The following EFHB variants were observed in gnomAD, a reference collection of about 807,000 sequenced individuals.
The protein encoded by EFHB is EF-hand domain family member B.
In EFHB, 91 loss-of-function variants were observed where a neutral mutation model predicts 87.2. The ratio of observed to expected loss-of-function variants is 1.04; its 90% CI spans 0.88 to 1.24. The LOEUF (loss-of-function observed/expected upper bound fraction) is 1.24, where lower values mean the gene tolerates loss of function less well. Ranked by LOEUF, EFHB falls within the 50% of genes most tolerant of loss-of-function variation. The pLI, the probability that EFHB is intolerant of heterozygous loss-of-function variation, is 0.00. For missense variants in EFHB, 1,084 were observed against 998.8 expected, an observed-to-expected ratio of 1.09 and a Z score of -1.15; for synonymous variants, 325 against 333.6, an observed-to-expected ratio of 0.97 and a Z score of 0.28.
chr3:19,939,420 TCG>T (rs199744813), intron 1 of EFHB, among the ~76,000 whole-genome samples: 17,103 of 122,444 alleles, frequency 0.14, 1,798 homozygotes, highest in Non-Finnish European at 0.2. Flanking sequence ...TCTCACTCTG[TCG>T]CGCCCAGGCT....
upstream of EFHB, among the ~76,000 whole-genome samples, chr3:19,937,409 A>G (rs866741945): frequency 2.4e-4 from 36 of 152,290 alleles, no homozygotes; most frequent in Middle Eastern, 6.8e-3. Flanking sequence ...AAACTGCTAC[A>G]GACAGTCATA....
chr3:19,921,617 G>A (rs1695439942), intron 1 of EFHB, among the ~76,000 whole-genome samples: 1 of 152,034 alleles, frequency 6.6e-6, no homozygotes, highest in Non-Finnish European at 1.5e-5. Flanking sequence ...AAGACAGTAA[G>A]AAGCAGCCCA....
chr3:19,915,246 T>C (rs187603874), intron 5 of EFHB, 57 bp downstream of exon 5: 11 of 1,147,482 alleles, frequency 9.6e-6, no homozygotes, highest in Admixed American at 6.3e-5. Context: ...TTTATTCCTC[T>C]TCACAAATCC....
intron 9 of EFHB, among the ~76,000 whole-genome samples, chr3:19,892,349 T>C (rs886174103): frequency 3.3e-5 from 5 of 152,226 alleles, no homozygotes; most frequent in African/African-American, 1.2e-4. Context: ...GGTGCCCACA[T>C]CTTAGTAAAG....
intron 4 of EFHB, 136 bp downstream of exon 4, chr3:19,918,096 C>T: frequency 2.0e-6 from 2 of 1,018,352 alleles, no homozygotes; most frequent in Admixed American, 2.7e-5. Context: ...AACTTTCTTG[C>T]AACAATCCCA....
chr3:19,882,556 T>A lies in EFHB; in HGVS notation c.2322A>T (p.Lys774Asn). 1.9e-6 allele frequency: 3 copies of A among 1,598,704 alleles called. No homozygotes were observed. ...GTATGCTTATATGCTATACCTCTTC[T>A]TTTGATCTGGTCTTGAAGAAGTCTC... ...FERDFFKTRS[K>N]EEIAEILCNI... The change falls in exon 12 of 13, where the codon AAA becomes AAT. Residue 774 changes from lysine to asparagine, a missense_variant. By Grantham distance (94) the Lys-to-Asn change is moderately conservative (BLOSUM62 0). Transcript: ENST00000295824.
intron 1 of EFHB, among the ~76,000 whole-genome samples, chr3:19,927,646 G>A (rs137938972): frequency 6.6e-6 from 1 of 152,256 alleles, no homozygotes; most frequent in Non-Finnish European, 1.5e-5. Flanking sequence ...TTCCCTGAAT[G>A]CACCCTGATG....
At chr3:19,905,462 A>C (rs573725901) in intron 6 of EFHB, among the ~76,000 whole-genome samples, 158 bp downstream of exon 6, 3 of 152,194 alleles carry the variant, frequency 2.0e-5, no homozygotes, top group African/African-American at 7.2e-5. Context: ...GGGTGTCAGA[A>C]GTGAAATACA....
At chr3:19,945,495 G>C (rs1024982174) in intron 1 of EFHB, among the ~76,000 whole-genome samples, 3 of 152,194 alleles carry the variant, frequency 2.0e-5, no homozygotes, top group Admixed American at 2.0e-4. Context: ...GGTTTGTGAG[G>C]AGAAGAAAGA....
intron 1 of EFHB, among the ~76,000 whole-genome samples, chr3:19,939,421 CG>C (rs1696101720): frequency 1.1e-4 from 8 of 74,962 alleles, no homozygotes; most frequent in South Asian, 7.9e-4. Context: ...CTCACTCTGT[CG>C]CGCCCAGGCT....
chr3:19,897,402 C>T (rs577866753), intron 8 of EFHB, among the ~76,000 whole-genome samples: 1 of 152,296 alleles, frequency 6.6e-6, no homozygotes, highest in East Asian at 1.9e-4. Context: ...GCTCCATTAA[C>T]TAAGAGTCCT....
At chr3:19,905,354 T>A (rs1694805245) in intron 6 of EFHB, among the ~76,000 whole-genome samples, 1 of 152,012 alleles carries the variant, frequency 6.6e-6, no homozygotes, top group African/African-American at 2.4e-5. Context: ...CCCAGAGAAT[T>A]AAAACATGCA....
chr3:19,908,586 G>GAA (rs1288771346), intron 5 of EFHB, among the ~76,000 whole-genome samples: 26 of 101,592 alleles, frequency 2.6e-4, no homozygotes, highest in African/African-American at 4.7e-4. Flanking sequence ...GAGAGAGAGA[G>GAA]AGAGAGAGAG....
chr3:19,898,396 G>A (rs1410432039), intron 8 of EFHB, among the ~76,000 whole-genome samples: 1 of 152,142 alleles, frequency 6.6e-6, no homozygotes, highest in East Asian at 1.9e-4. Context: ...GAGCTCCCAG[G>A]GGATGCCAAT....
intron 4 of EFHB, 117 bp downstream of exon 4, chr3:19,918,115 T>C: frequency 2.7e-6 from 3 of 1,117,188 alleles, no homozygotes; most frequent in Non-Finnish European, 3.8e-6. Flanking sequence ...CATCTTTCCT[T>C]CTTGAGTCAT....
At chr3:19,940,686 G>A in intron 1 of EFHB, 1 of 355,042 alleles carries the variant, frequency 2.8e-6, no homozygotes, top group Non-Finnish European at 5.6e-6. Context: ...CAGTAATCTT[G>A]TTCTTTTTCC....
intron 12 of EFHB, among the ~76,000 whole-genome samples, chr3:19,881,878 C>CT (rs2071683939): frequency 6.6e-6 from 1 of 152,068 alleles, no homozygotes; most frequent in South Asian, 2.1e-4. Flanking sequence ...ACAGGCTAGT[C>CT]TAACTGAGCA....
chr3:19,891,684 G>C (rs914945478), intron 9 of EFHB, among the ~76,000 whole-genome samples: 4 of 152,092 alleles, frequency 2.6e-5, no homozygotes, highest in Admixed American at 2.6e-4. Context: ...GCAAACTATA[G>C]GACAAAAATT....
rs148671857 is a variant in EFHB at position 19,914,091 on chromosome 3, G to A, written c.1288+1212C>T. Among the ~76,000 whole-genome samples the A allele has an allele frequency of 2.6e-3, 402 of 152,178 alleles. 1 individual carries two copies. Among genetic ancestry groups the A allele is most frequent in the Admixed American group, 4.4e-3 (67 of 15,274 alleles). On this transcript the variant is annotated intron_variant, in intron 5 of 12. Coordinates refer to ENST00000295824, the MANE Select transcript of EFHB (RefSeq NM_144715.4). ...CCCAAGTAGCTGGAACTACAGACAC[G>A]CACCACCATGCCTGACTAATTTTTT... is the stretch of plus-strand genomic sequence containing the variant.
Sources: gnomAD v4.1 joint callset for allele counts (sites outside exome capture counted in the v4.1 genomes callset) on GRCh38, gnomAD v4.1.1 for gene constraint, MANE v1.5 for transcripts, NCBI Gene and HGNC (gene_info 2026-07-23, HGNC 2026-07-21) for gene names.